MRTFA: variants seen among roughly 807,000 people sequenced by gnomAD.
MRTFA encodes myocardin related transcription factor A, also known as myocardin-related transcription factor A.
MRTFA carries 20 observed loss-of-function variants against 83.5 expected under a neutral mutation model. The ratio of observed to expected loss-of-function variants is 0.24; its 90% CI spans 0.17 to 0.35. The LOEUF (loss-of-function observed/expected upper bound fraction) is 0.35. MRTFA is among the 10% of genes least tolerant of loss of function. The pLI, the probability that MRTFA is intolerant of heterozygous loss-of-function variation, is 1.00. For synonymous variants in MRTFA, 659 were observed against 541.2 expected, an observed-to-expected ratio of 1.22 and a Z score of -3.02; for missense variants, 1,200 against 1,224.7, an observed-to-expected ratio of 0.98 and a Z score of 0.30.
chr22:40,417,059 G>GA lies in MRTFA; in HGVS notation c.2518-14_2518-13insT. The GA allele has an allele frequency of 6.4e-7, 1 of 1,565,152 alleles. No homozygotes were observed. Among genetic ancestry groups the GA allele is most frequent in the African/African-American group, 1.4e-5 (1 of 73,072 alleles). On this transcript the variant is annotated splice_polypyrimidine_tract_variant and intron_variant, in intron 13 of 14. Transcript: ENST00000355630. ...AGGAACCATTTTCCTGTGGGACAAA[G>GA]GAAAAAAAAAAAAGAGATAAAAATC...
chr22:40,489,494 CT>C (rs1317679042), intron 3 of MRTFA, among the ~76,000 whole-genome samples: 2 of 148,314 alleles, frequency 1.3e-5, no homozygotes. Context: ...TTTTTTTTTT[CT>C]AGAGACAGGG....
chr22:40,471,536 A>G (rs918976876), intron 3 of MRTFA, among the ~76,000 whole-genome samples: 2 of 152,244 alleles, frequency 1.3e-5, no homozygotes, highest in Admixed American at 6.5e-5. Context: ...ATCTTCCCAC[A>G]AAGAAAAGCC....
chr22:40,584,317 G>C (rs1398033445), intron 2 of MRTFA, among the ~76,000 whole-genome samples: 3 of 152,214 alleles, frequency 2.0e-5, no homozygotes, highest in Non-Finnish European at 4.4e-5. Flanking sequence ...GGAAAACCCA[G>C]ACATCATGAC....
chr22:40,595,042 A>G (rs749102389), intron 1 of MRTFA, among the ~76,000 whole-genome samples: 4 of 150,670 alleles, frequency 2.7e-5, no homozygotes, highest in Non-Finnish European at 5.9e-5. Context: ...TTATTAACTC[A>G]TTTTATATCC....
At chr22:40,507,972 C>CAAA (rs11315930) in intron 3 of MRTFA, among the ~76,000 whole-genome samples, 4 of 37,502 alleles carry the variant, frequency 1.1e-4, no homozygotes, top group Admixed American at 4.7e-4. Context: ...GACTCCACCT[C>CAAA]AAAAAAAAAA....
chr22:40,419,447 C>G (rs1267842443), intron 11 of MRTFA, 63 bp from the exon 12 acceptor site: 2 of 1,489,910 alleles, frequency 1.3e-6, no homozygotes, highest in Admixed American at 1.8e-5. Flanking sequence ...TGGGTCCAGG[C>G]AGAAGGGCAG....
intron 1 of MRTFA, among the ~76,000 whole-genome samples, chr22:40,628,699 T>G (rs2056607559): frequency 6.6e-6 from 1 of 151,872 alleles, no homozygotes; most frequent in Admixed American, 6.6e-5. Context: ...CTTCCAAGGA[T>G]TCTACAGATC....
chr22:40,466,107 G>A (rs1028911411), intron 3 of MRTFA, among the ~76,000 whole-genome samples: 2 of 152,074 alleles, frequency 1.3e-5, no homozygotes, highest in African/African-American at 2.4e-5. Context: ...CAGACAAAGG[G>A]GCTAAAACAG....
In MRTFA at chr22:40,419,387, G is replaced by A. The variant is rs764628546; in HGVS notation, c.1354-3C>T. 10 of 1,612,880 alleles carry A rather than the reference G, an allele frequency of 6.2e-6. No individual in the cohort carries two copies. Among genetic ancestry groups the A allele is most frequent in the South Asian group, 1.1e-5 (1 of 91,080 alleles). ...AGCTCCTGCTTCAGCTCTGCCACCT[G>A]CAAGGCAGTCAAGAGTCAGGGAGGC... On this transcript the variant is annotated splice_region_variant and splice_polypyrimidine_tract_variant and intron_variant, in intron 11 of 14. Coordinates refer to ENST00000355630, the MANE Select transcript of MRTFA (RefSeq NM_020831.6).
rs2052704039 is a variant in MRTFA, at chr22:40,417,351, G to A, written c.2507C>T (p.Pro836Leu). The change falls in exon 13 of 15, where the codon CCC (proline) becomes CTC (leucine). Residue 836 changes from proline to leucine, a missense_variant. Physicochemically the swap from Pro to Leu is moderately conservative, Grantham distance 98. This residue lies in a region of MRTFA where 1,107 missense variants were observed against 1,041.8 expected (regional missense o/e 1.06). Coordinates refer to ENST00000355630, the MANE Select transcript of MRTFA (RefSeq NM_020831.6). Reference sequence around the variant, plus strand: ...GCCCGCCTTCCTCACCTGCTGTTTGGGCTGCTGGCTCATGGCTTCCTCATA... The same window carrying A: ...GCCCGCCTTCCTCACCTGCTGTTTGAGCTGCTGGCTCATGGCTTCCTCATA... 1 of 1,611,152 alleles carries A rather than the reference G, an allele frequency of 6.2e-7. No homozygotes were observed. The highest frequency in any genetic ancestry group is 1.7e-5 in the Admixed American group (1 of 59,882).
rs368264968 is a variant in MRTFA, at chr22:40,411,213, G to A, written c.*177C>T. 2.9e-5 allele frequency: 18 copies of A among 619,292 alleles called. No homozygotes were observed. Among genetic ancestry groups the A allele is most frequent in the South Asian group, 1.2e-4 (4 of 34,144 alleles). 38.4% of individuals were successfully genotyped at this position (619,292 alleles called of 1,614,324 possible). On this transcript the variant is annotated 3_prime_UTR_variant, in exon 15 of 15. Coordinates refer to ENST00000355630, the MANE Select transcript of MRTFA (RefSeq NM_020831.6). Reference sequence around the variant, plus strand: ...TGACAGCTGCTCTCCTCTGCCCTGCGTGGCACTGAACCAGGAGTAAGGGCT... The same window carrying A: ...TGACAGCTGCTCTCCTCTGCCCTGCATGGCACTGAACCAGGAGTAAGGGCT...
At chr22:40,531,638 A>G (rs1166578973) in intron 3 of MRTFA, among the ~76,000 whole-genome samples, 5 of 152,132 alleles carry the variant, frequency 3.3e-5, no homozygotes, top group African/African-American at 9.7e-5. Flanking sequence ...AAAATATTCT[A>G]TTGCTAGAAA....
intron 3 of MRTFA, among the ~76,000 whole-genome samples, chr22:40,464,175 C>A (rs1222479674): frequency 6.6e-6 from 1 of 151,534 alleles, no homozygotes; most frequent in African/African-American, 2.4e-5. Context: ...GTGGTGCGCG[C>A]CTGTAGTCCC....
Position 40,481,660 on chromosome 22 carries a change from T to C in MRTFA, c.242-18374A>G, listed in dbSNP as rs930914791. On this transcript the variant is annotated intron_variant, in intron 3 of 14. Coordinates refer to ENST00000355630, the MANE Select transcript of MRTFA (RefSeq NM_020831.6). ...GACTCTTGGACAGAAACCTAAATAA[T>C]ATGACAAACCATAAAAATGATCTGG... Among the ~76,000 whole-genome samples, 3 of 152,056 alleles carry C rather than the reference T, an allele frequency of 2.0e-5. 1 individual carries two copies. The highest frequency in any genetic ancestry group is 7.3e-5 in the African/African-American group (3 of 41,372).
intron 3 of MRTFA, among the ~76,000 whole-genome samples, chr22:40,542,620 T>C (rs1002196071): frequency 6.6e-6 from 1 of 152,184 alleles, no homozygotes; most frequent in African/African-American, 2.4e-5. Context: ...TCTAAGGAAA[T>C]AATCTGAAAT....
intron 7 of MRTFA, 90 bp downstream of exon 7, chr22:40,429,516 G>T: frequency 6.8e-7 from 1 of 1,478,700 alleles, no homozygotes; most frequent in East Asian, 2.3e-5. Flanking sequence ...AAGAAGTCAA[G>T]AGCCTCAGCC....
At chr22:40,603,670 G>A (rs1324788729) in intron 1 of MRTFA, among the ~76,000 whole-genome samples, 2 of 151,962 alleles carry the variant, frequency 1.3e-5, no homozygotes, top group Non-Finnish European at 2.9e-5. Context: ...ACTTACAGAT[G>A]AAATGGCAAA....
At chr22:40,595,421 G>A (rs572469660) in intron 1 of MRTFA, among the ~76,000 whole-genome samples, 5 of 152,038 alleles carry the variant, frequency 3.3e-5, no homozygotes, top group East Asian at 1.9e-4. Context: ...GCGCCCGGCC[G>A]AGAAATGCCT....
chr22:40,469,126 C>T (rs976926331), intron 3 of MRTFA, among the ~76,000 whole-genome samples: 1 of 152,102 alleles, frequency 6.6e-6, no homozygotes, highest in Non-Finnish European at 1.5e-5. Flanking sequence ...CGCAATCTAC[C>T]TCACTCTCAA....
Sources: gnomAD v4.1 joint callset for allele counts (sites outside exome capture counted in the v4.1 genomes callset) on GRCh38, gnomAD v4.1.1 for gene constraint, gnomAD v4.1.1 regional missense constraint, MANE v1.5 for transcripts, NCBI Gene and HGNC (gene_info 2026-07-23, HGNC 2026-07-21) for gene names.